PRKCA: variants seen among roughly 807,000 people sequenced by gnomAD.
PRKCA encodes the protein protein kinase C alpha.
Under a neutral mutation model 87.0 loss-of-function variants are expected in PRKCA, and 27 were observed. The ratio of observed to expected loss-of-function variants is 0.31; its 90% confidence interval spans 0.23 to 0.43. The LOEUF (loss-of-function observed/expected upper bound fraction) is 0.43. Among genes scored for constraint, PRKCA ranks in the 20% least tolerant of loss-of-function variants. PRKCA has a pLI of 1.00. For synonymous variants in PRKCA, 329 were observed against 311.1 expected (o/e 1.06, Z -0.61); for missense variants, 518 against 852.3 (o/e 0.61, Z 4.88).
At chr17:66,510,506 T>C (rs1385439403) in intron 3 of PRKCA, among the ~76,000 whole-genome samples, 1 of 152,182 alleles carries the variant, frequency 6.6e-6, no homozygotes, top group Non-Finnish European at 1.5e-5. Flanking sequence ...TGGCTTATCA[T>C]GTAGAGAGGT....
At chr17:66,778,900 T>C (rs1975134461) in intron 14 of PRKCA, among the ~76,000 whole-genome samples, 2 of 150,902 alleles carry the variant, frequency 1.3e-5, no homozygotes, top group South Asian at 4.2e-4. Context: ...TCTGGTGCAA[T>C]GGCAGGCACA....
intron 2 of PRKCA, among the ~76,000 whole-genome samples, chr17:66,471,333 A>G (rs1468193451): frequency 6.6e-6 from 1 of 152,226 alleles, no homozygotes; most frequent in Middle Eastern, 3.2e-3. Context: ...GACAACTTGT[A>G]CTTCTAAGAG....
chr17:66,790,127 G>A (rs1261514795), intron 16 of PRKCA, among the ~76,000 whole-genome samples: 2 of 152,204 alleles, frequency 1.3e-5, no homozygotes, highest in South Asian at 2.1e-4. Context: ...CAGGCCAGGG[G>A]ACCCACCTGG....
intron 2 of PRKCA, among the ~76,000 whole-genome samples, chr17:66,428,641 C>G (rs981802548): frequency 3.3e-5 from 5 of 151,874 alleles, no homozygotes; most frequent in African/African-American, 1.2e-4. Flanking sequence ...GAAGCTGGGA[C>G]TACAGTCATG....
chr17:66,484,146 C>T (rs1457787355), intron 2 of PRKCA, among the ~76,000 whole-genome samples: 3 of 152,144 alleles, frequency 2.0e-5, no homozygotes, highest in Non-Finnish European at 2.9e-5. Context: ...ACTGTTGAAT[C>T]TCGTGAGACT....
chr17:66,347,579 T>G (rs949901331), intron 2 of PRKCA, among the ~76,000 whole-genome samples: 1 of 152,184 alleles, frequency 6.6e-6, no homozygotes, highest in Non-Finnish European at 1.5e-5. Context: ...TGGAAAACAC[T>G]ATTTCATTGA....
intron 2 of PRKCA, among the ~76,000 whole-genome samples, chr17:66,462,126 C>T (rs1914882402): frequency 6.6e-6 from 1 of 152,154 alleles, no homozygotes; most frequent in African/African-American, 2.4e-5. Flanking sequence ...TCTGTTTGAA[C>T]TCAAGTTGGA....
intron 10 of PRKCA, among the ~76,000 whole-genome samples, chr17:66,735,920 CTTTTT>C (rs5821508): frequency 3.3e-5 from 4 of 122,112 alleles, no homozygotes; most frequent in Non-Finnish European, 6.5e-5. Flanking sequence ...TTCTTTCTTT[CTTTTT>C]TTTTTTTTTT....
chr17:66,319,662 CAT>C (rs1598588243), intron 2 of PRKCA, among the ~76,000 whole-genome samples: 1 of 151,986 alleles, frequency 6.6e-6, no homozygotes, highest in Non-Finnish European at 1.5e-5. Context: ...TCTTACATGA[CAT>C]TGGGTTTTAA....
chr17:66,533,935 C>A (rs572965011), intron 3 of PRKCA, among the ~76,000 whole-genome samples: 6 of 152,220 alleles, frequency 3.9e-5, no homozygotes, highest in Non-Finnish European at 8.8e-5. Context: ...TTTGTTCGTT[C>A]GTAATGCCAC....
At chr17:66,715,616 G>A (rs1973453862) in intron 8 of PRKCA, among the ~76,000 whole-genome samples, 2 of 152,178 alleles carry the variant, frequency 1.3e-5, no homozygotes, top group South Asian at 4.1e-4. Flanking sequence ...AGCACCCAGA[G>A]ATCTTAAAAC....
intron 2 of PRKCA, among the ~76,000 whole-genome samples, chr17:66,357,728 T>A (rs769833845): frequency 6.6e-6 from 1 of 152,200 alleles, no homozygotes; most frequent in Non-Finnish European, 1.5e-5. Flanking sequence ...ATGGTGTATG[T>A]TTGGTAGATG....
chr17:66,745,390 C>T (rs1402133650), intron 13 of PRKCA, among the ~76,000 whole-genome samples: 1 of 152,200 alleles, frequency 6.6e-6, no homozygotes, highest in Non-Finnish European at 1.5e-5. Flanking sequence ...ACATGATAAA[C>T]TTTCTCTTGG....
At chr17:66,465,047 T>C (rs1478497071) in intron 2 of PRKCA, among the ~76,000 whole-genome samples, 1 of 152,226 alleles carries the variant, frequency 6.6e-6, no homozygotes, top group Non-Finnish European at 1.5e-5. Flanking sequence ...GGTTTTTGTT[T>C]CTTGGTAGAA....
chr17:66,496,330 G>A, intron 3 of PRKCA, 47 bp downstream of exon 3: 1 of 1,531,736 alleles, frequency 6.5e-7, no homozygotes, highest in South Asian at 1.1e-5. Flanking sequence ...GGATTTCTGA[G>A]CTTTAATTTT....
chr17:66,560,889 G>A (rs767243188), intron 3 of PRKCA, among the ~76,000 whole-genome samples: 1 of 152,126 alleles, frequency 6.6e-6, no homozygotes, highest in Non-Finnish European at 1.5e-5. Context: ...CCTTGCCTTT[G>A]GGAAACCAGC....
intron 3 of PRKCA, among the ~76,000 whole-genome samples, chr17:66,619,580 C>T (rs1970615379): frequency 6.6e-6 from 1 of 152,136 alleles, no homozygotes; most frequent in Non-Finnish European, 1.5e-5. Context: ...TAATATGCCC[C>T]TCAAATGAAT....
intron 5 of PRKCA, among the ~76,000 whole-genome samples, chr17:66,673,521 C>G (rs993668030): frequency 2.0e-5 from 3 of 152,176 alleles, no homozygotes; most frequent in African/African-American, 7.2e-5. Flanking sequence ...TTGCCTTTGT[C>G]TCTGGTAATA....
At chr17:66,729,721 C>T (rs1335715956) in intron 8 of PRKCA, among the ~76,000 whole-genome samples, 1 of 151,292 alleles carries the variant, frequency 6.6e-6, no homozygotes, top group East Asian at 1.9e-4. Context: ...TGGGGGCACT[C>T]AACTCATCAG....
Sources: allele counts gnomAD v4.1 joint callset (sites outside exome capture counted in the v4.1 genomes callset), GRCh38; gene constraint gnomAD v4.1.1; transcripts MANE v1.5; gene names NCBI Gene and HGNC (gene_info 2026-07-23, HGNC 2026-07-21).